The following DAAM2 variants were observed in gnomAD, a reference collection of about 807,000 sequenced individuals.
DAAM2 encodes dishevelled associated activator of morphogenesis 2, also known as disheveled-associated activator of morphogenesis 2.
In DAAM2, 39 loss-of-function variants were observed where a neutral mutation model predicts 120.7. That is an observed-to-expected ratio of 0.32 (90% CI 0.25 to 0.42). DAAM2 has a LOEUF of 0.42. Ranked by LOEUF, DAAM2 falls within the 10% of genes least tolerant of loss-of-function variation. The pLI, the probability that DAAM2 is intolerant of heterozygous loss-of-function variation, is 1.00. For missense variants in DAAM2, 1,283 were observed against 1,401.7 expected (o/e 0.92, Z 1.35); for synonymous variants, 488 against 524.9 (o/e 0.93, Z 0.96).
intron 1 of DAAM2, among the ~76,000 whole-genome samples, chr6:39,797,307 T>C (rs1272594925): frequency 2.0e-5 from 3 of 152,224 alleles, no homozygotes; most frequent in African/African-American, 7.2e-5. Context: ...CTAATAATGA[T>C]GTCACAATGA....
chr6:39,893,533 A>G (rs187244100), intron 19 of DAAM2, among the ~76,000 whole-genome samples: 3 of 152,230 alleles, frequency 2.0e-5, no homozygotes, highest in Admixed American at 6.5e-5. Flanking sequence ...AGAAAAAAAA[A>G]AAGAATTAGT....
chr6:39,896,876 C>G lies in DAAM2; in HGVS notation c.2406C>G (p.Ile802Met). The change falls in exon 20 of 25, where the codon ATC becomes ATG. Residue 802 changes from isoleucine (I) to methionine (M), a missense_variant. Physicochemically the swap from Ile to Met is conservative, Grantham distance 10. This residue lies in a region of DAAM2 where 748 missense variants were observed against 768.6 expected (regional missense o/e 0.97). Transcript: ENST00000274867. ...GTCTTAGACAGATGCTAGAGGTCAT[C>G]CTAGCCATAGGCAACTTCATGAACA... Reference protein sequence around the residue: ...SKRLRQMLEVILAIGNFMNKG... With the variant: ...SKRLRQMLEVMLAIGNFMNKG... The G allele has an allele frequency of 6.2e-7, 1 of 1,613,724 alleles. No individual in the cohort carries two copies. The highest frequency in any genetic ancestry group is 8.5e-7 in the Non-Finnish European group (1 of 1,179,766).
chr6:39,843,279 C>G (rs930549397), intron 1 of DAAM2, among the ~76,000 whole-genome samples: 1 of 152,044 alleles, frequency 6.6e-6, no homozygotes, highest in Admixed American at 6.5e-5. Flanking sequence ...AGTGGGACAA[C>G]ATGGTCGGAA....
chr6:39,902,851 TCAC>T lies in DAAM2; in HGVS notation c.*818_*820del, dbSNP rs1370095499. Reference sequence around the variant, plus strand: ...AGGGGCTCAAGACAGACCTCATGCATCACCACACCTCATGCCTTTTGGGCATCT... The same window carrying T: ...AGGGGCTCAAGACAGACCTCATGCATCACACCTCATGCCTTTTGGGCATCT... On this transcript the variant is annotated 3_prime_UTR_variant, in exon 25 of 25. Coordinates refer to ENST00000274867, the MANE Select transcript of DAAM2 (RefSeq NM_001201427.2). 2 of 152,248 alleles carry T rather than the reference TCAC, an allele frequency of 1.3e-5. No individual in the cohort carries two copies. Among genetic ancestry groups the T allele is most frequent in the Admixed American group, 1.3e-4 (2 of 15,282 alleles). 9.4% of individuals were successfully genotyped at this position (152,248 alleles called of 1,614,324 possible). A position where few individuals can be genotyped will look rare whatever the true frequency, so the allele number is the denominator to read the frequency against.
chr6:39,871,680 T>C (rs1228536814), intron 9 of DAAM2, 108 bp downstream of exon 9: 10 of 1,017,000 alleles, frequency 9.8e-6, no homozygotes, highest in African/African-American at 1.6e-5. Flanking sequence ...TGTGGGCTGG[T>C]TCCCTGGTGG....
chr6:39,831,265 G>T (rs773766996), intron 1 of DAAM2, among the ~76,000 whole-genome samples: 1 of 152,084 alleles, frequency 6.6e-6, no homozygotes, highest in African/African-American at 2.4e-5. Context: ...GTAAGTCTAC[G>T]TGGAAAATGA....
At chr6:39,859,761 G>A (rs2149290063) in intron 2 of DAAM2, among the ~76,000 whole-genome samples, 1 of 152,160 alleles carries the variant, frequency 6.6e-6, no homozygotes, top group East Asian at 1.9e-4. Flanking sequence ...TTTTTAATGT[G>A]ACTAGAAAAA....
At chr6:39,802,461 G>C (rs989636486) in intron 1 of DAAM2, among the ~76,000 whole-genome samples, 2 of 152,164 alleles carry the variant, frequency 1.3e-5, no homozygotes, top group Non-Finnish European at 2.9e-5. Flanking sequence ...AAAGAAAAAA[G>C]AAAGTCCTTG....
intron 1 of DAAM2, among the ~76,000 whole-genome samples, chr6:39,810,796 T>G (rs1208007928): frequency 1.3e-5 from 2 of 152,216 alleles, no homozygotes; most frequent in Non-Finnish European, 2.9e-5. Context: ...CCCTTTCTGG[T>G]TCTTCCTGAG....
chr6:39,900,317 A>C, intron 23 of DAAM2, 109 bp downstream of exon 23: 1 of 1,307,166 alleles, frequency 7.7e-7, no homozygotes, highest in South Asian at 1.5e-5. Context: ...AGAGTTACAG[A>C]GCTTTGAGAG....
Position 39,878,535 on chromosome 6 carries a change from C to G in DAAM2, c.1492C>G (p.Arg498Gly). 1.2e-6 allele frequency: 2 copies of G among 1,609,976 alleles called. No homozygotes were observed. The highest frequency in any genetic ancestry group is 1.7e-6 in the Non-Finnish European group (2 of 1,178,224). Reference sequence around the variant, plus strand: ...GCTGGCCCGGGAGTCCCAGGAGCTGCGCCAGGCTCGGGGACAAGTGGCAGA... The same window carrying G: ...GCTGGCCCGGGAGTCCCAGGAGCTGGGCCAGGCTCGGGGACAAGTGGCAGA... Reference protein sequence around the residue: ...DKLARESQELRQARGQVAELV... With the variant: ...DKLARESQELGQARGQVAELV... The change falls in exon 13 of 25, where the codon CGC (arginine) becomes GGC (glycine). Residue 498 changes from arginine to glycine, a missense_variant. By Grantham distance (125) the Arg-to-Gly change is moderately radical. Coordinates refer to ENST00000274867, the MANE Select transcript of DAAM2 (RefSeq NM_001201427.2). This position sits in a 1 kb window ranked among gnomAD's most constrained non-coding sequence, Gnocchi z 5.0.
intron 1 of DAAM2, chr6:39,848,837 TGG>T (rs960622827): frequency 5.3e-5 from 8 of 152,350 alleles, no homozygotes; most frequent in African/African-American, 1.9e-4. Flanking sequence ...TCTGGAGACC[TGG>T]TTTGAGTTCC....
intron 19 of DAAM2, among the ~76,000 whole-genome samples, chr6:39,896,023 T>C (rs1457807463): frequency 2.6e-5 from 4 of 151,258 alleles, no homozygotes; most frequent in Admixed American, 6.6e-5. Context: ...TAATTTAGAA[T>C]ATGTTATTTA....
rs776862321 is a variant in DAAM2, at chr6:39,864,506, C to A, written c.332C>A (p.Ala111Glu). 1 of 1,608,188 alleles carries A rather than the reference C, an allele frequency of 6.2e-7. No homozygotes were observed. The highest frequency in any genetic ancestry group is 2.2e-5 in the East Asian group (1 of 44,750). The stretch of plus-strand genomic sequence containing the variant: ...ATCGACCGCATCAATTCCATGGCTG[C>A]GGTGAGTGGCTGCCCCTCTCCTGCC... ...YYIDRINSMA[A>E]MQSLYAFDEE... Residue 111 changes from alanine (A) to glutamate (E), a missense_variant and splice_region_variant, in exon 4 of 25, where the codon GCG (alanine) becomes GAG (glutamate). Ala to Glu is a moderately radical substitution (Grantham distance 107). This residue lies in a region of DAAM2 where 197 missense variants were observed against 189.3 expected (regional missense o/e 1.04). Transcript: ENST00000274867.
intron 17 of DAAM2, among the ~76,000 whole-genome samples, chr6:39,889,754 A>G (rs922432597): frequency 6.6e-6 from 1 of 152,210 alleles, no homozygotes; most frequent in East Asian, 1.9e-4. Context: ...CAATTAACAC[A>G]TATTTTTATG....
intron 1 of DAAM2, among the ~76,000 whole-genome samples, chr6:39,808,435 G>A (rs1028511901): frequency 2.0e-5 from 3 of 152,234 alleles, no homozygotes; most frequent in Non-Finnish European, 4.4e-5. Flanking sequence ...CTGCCTTGTC[G>A]CCATGAAGTC....
intron 5 of DAAM2, among the ~76,000 whole-genome samples, chr6:39,865,725 C>T (rs1764403962): frequency 6.6e-6 from 1 of 152,198 alleles, no homozygotes; most frequent in African/African-American, 2.4e-5. Flanking sequence ...ATTTTGTAAG[C>T]TGGTTGTTAA....
intron 1 of DAAM2, among the ~76,000 whole-genome samples, chr6:39,845,269 A>G (rs1170039332): frequency 1.4e-5 from 1 of 70,714 alleles, no homozygotes; most frequent in Non-Finnish European, 2.9e-5. Flanking sequence ...TACACACCAC[A>G]CATACACAAA....
At position 39,860,958 on chromosome 6, in the gene DAAM2, G is replaced by A; in HGVS notation, c.199G>A (p.Glu67Lys). 1 of 1,613,338 alleles carries A rather than the reference G, an allele frequency of 6.2e-7. No individual in the cohort carries two copies. The highest frequency in any genetic ancestry group is 1.3e-5 in the African/African-American group (1 of 74,996). The change falls in exon 3 of 25, where the codon GAG becomes AAG. Residue 67 changes from glutamate (E) to lysine (K), a missense_variant. Glu to Lys is a moderately conservative substitution (Grantham distance 56). Around this residue, in one of 3 missense-constraint regions of DAAM2, gnomAD observed 197 missense variants for 189.3 expected, o/e 1.04. Transcript: ENST00000274867. ...DELDLTDKNREAMFALPPEKK... is the reference protein window; with the variant it reads ...DELDLTDKNRKAMFALPPEKK... ...ATTGGATCTCACTGACAAAAACCGA[G>A]AGGCTATGTTTGCACTGCCCCCTGA...
Sources: allele counts gnomAD v4.1 joint callset (sites outside exome capture counted in the v4.1 genomes callset), GRCh38; gene constraint gnomAD v4.1.1; regional missense constraint gnomAD v4.1.1; non-coding constraint Gnocchi (gnomAD v3.1); transcripts MANE v1.5; gene names NCBI Gene and HGNC (gene_info 2026-07-23, HGNC 2026-07-21).